DCC: variants seen among roughly 807,000 people sequenced by gnomAD.
DCC encodes DCC netrin 1 receptor, also known as netrin receptor DCC.
In DCC, 58 loss-of-function variants were observed where a neutral mutation model predicts 172.5. The observed-to-expected ratio is 0.34, with a 90% CI of 0.27 to 0.42. The LOEUF is 0.42. DCC is among the 10% of genes least tolerant of loss of function. The pLI, the probability that DCC is intolerant of heterozygous loss-of-function variation, is 1.00. For missense variants in DCC, 1,740 were observed against 1,791.0 expected (o/e 0.97, Z 0.51); for synonymous variants, 709 against 644.5 (o/e 1.10, Z -1.52).
chr18:52,773,842 ATT>A (rs1228136961), intron 2 of DCC, among the ~76,000 whole-genome samples: 4 of 151,464 alleles, frequency 2.6e-5, no homozygotes, highest in Non-Finnish European at 1.5e-5. Context: ...ATATATATAT[ATT>A]TTTTAAAGGT....
chr18:52,758,613 A>G (rs1372777335), intron 2 of DCC, among the ~76,000 whole-genome samples: 3 of 152,112 alleles, frequency 2.0e-5, no homozygotes, highest in Non-Finnish European at 4.4e-5. Flanking sequence ...GAGAGAAGCT[A>G]GAATGAAGCA....
intron 5 of DCC, among the ~76,000 whole-genome samples, chr18:52,962,769 G>A (rs1371451171): frequency 1.3e-5 from 2 of 151,960 alleles, no homozygotes; most frequent in African/African-American, 4.8e-5. Flanking sequence ...GGAATACTAT[G>A]CAGCCATAAA....
At chr18:52,802,044 C>T (rs2037999824) in intron 2 of DCC, among the ~76,000 whole-genome samples, 1 of 150,906 alleles carries the variant, frequency 6.6e-6, no homozygotes, top group South Asian at 2.1e-4. Flanking sequence ...TTTTTATCAA[C>T]ATCCCTCTGA....
intron 1 of DCC, among the ~76,000 whole-genome samples, chr18:52,400,165 C>T (rs1468707093): frequency 2.0e-5 from 3 of 151,902 alleles, no homozygotes; most frequent in African/African-American, 4.8e-5. Flanking sequence ...TTTGTTCTGG[C>T]ACTTTTCAAG....
intron 1 of DCC, among the ~76,000 whole-genome samples, chr18:52,702,743 A>G (rs775481497): frequency 7.2e-5 from 11 of 152,108 alleles, no homozygotes; most frequent in Non-Finnish European, 1.6e-4. Flanking sequence ...GCAAATTGTC[A>G]TCCTTCATTC....
At chr18:53,472,408 C>G (rs1338962303) in intron 25 of DCC, among the ~76,000 whole-genome samples, 2 of 152,160 alleles carry the variant, frequency 1.3e-5, no homozygotes, top group Non-Finnish European at 2.9e-5. Flanking sequence ...ATACCTTTCA[C>G]TACTGAGAAA....
chr18:52,738,558 G>A (rs1316418304), intron 1 of DCC, among the ~76,000 whole-genome samples: 1 of 152,126 alleles, frequency 6.6e-6, no homozygotes, highest in African/African-American at 2.4e-5. Flanking sequence ...GTGAGTCAAT[G>A]AGTGAGTGGT....
intron 2 of DCC, among the ~76,000 whole-genome samples, chr18:52,839,740 CT>C (rs1480346111): frequency 2.0e-5 from 3 of 152,134 alleles, no homozygotes; most frequent in African/African-American, 7.2e-5. Flanking sequence ...TCTGCAGTGC[CT>C]TTTCACCTTC....
chr18:53,003,183 C>T (rs971803365), intron 5 of DCC, among the ~76,000 whole-genome samples: 1 of 151,874 alleles, frequency 6.6e-6, no homozygotes, highest in Non-Finnish European at 1.5e-5. Flanking sequence ...CTTCCATTTC[C>T]TCAGCAACTT....
chr18:53,466,012 C>G (rs985763507), intron 24 of DCC, among the ~76,000 whole-genome samples: 14 of 152,214 alleles, frequency 9.2e-5, no homozygotes, highest in Admixed American at 5.2e-4. Context: ...GATCCGCCCA[C>G]CTCAGCCTCC....
intron 1 of DCC, among the ~76,000 whole-genome samples, chr18:52,356,876 G>C (rs1380911490): frequency 6.6e-6 from 1 of 152,004 alleles, no homozygotes; most frequent in Non-Finnish European, 1.5e-5. Context: ...TCCACCTCCT[G>C]GGTTCAAGCA....
intron 5 of DCC, among the ~76,000 whole-genome samples, chr18:52,925,793 T>G (rs3819136): frequency 0.39 from 59,877 of 151,674 alleles, 12,401 homozygotes; most frequent in Non-Finnish European, 0.47. Context: ...TGGTAAGATT[T>G]TTTTATTAAC....
chr18:53,415,576 C>G (rs956717492), intron 20 of DCC, among the ~76,000 whole-genome samples: 1 of 151,964 alleles, frequency 6.6e-6, no homozygotes, highest in Non-Finnish European at 1.5e-5. Context: ...ATTTTTGAGA[C>G]TATTACTTGT....
intron 27 of DCC, among the ~76,000 whole-genome samples, chr18:53,520,110 A>ACTGCTGGG (rs1351606606): frequency 1.3e-5 from 2 of 152,096 alleles, no homozygotes; most frequent in Non-Finnish European, 2.9e-5. Flanking sequence ...GTGTAGAAAA[A>ACTGCTGGG]AACCAGTTAG....
chr18:53,041,696 G>A (rs1160807230), intron 5 of DCC, among the ~76,000 whole-genome samples: 4 of 152,068 alleles, frequency 2.6e-5, no homozygotes, highest in Non-Finnish European at 5.9e-5. Context: ...TCCTTCAGCA[G>A]TGGTTGGTAG....
chr18:53,351,366 ACTG>A (rs1331822886), intron 15 of DCC, among the ~76,000 whole-genome samples: 2 of 64,450 alleles, frequency 3.1e-5, no homozygotes, highest in African/African-American at 5.8e-5. Flanking sequence ...ATATATATAT[ACTG>A]TATATATATA....
intron 12 of DCC, 26 bp downstream of exon 12, chr18:53,215,623 C>T (rs1353597134): frequency 3.8e-6 from 6 of 1,581,806 alleles, no homozygotes; most frequent in Non-Finnish European, 5.2e-6. Context: ...GTTCACTACT[C>T]CATTACCTAT....
chr18:52,777,390 A>G (rs990585890), intron 2 of DCC, among the ~76,000 whole-genome samples: 3 of 152,036 alleles, frequency 2.0e-5, no homozygotes, highest in Non-Finnish European at 4.4e-5. Context: ...CTTCACTCCA[A>G]TCTCAGTCTC....
chr18:53,304,375 C>A (rs919619438), intron 12 of DCC, among the ~76,000 whole-genome samples: 1 of 151,438 alleles, frequency 6.6e-6, no homozygotes, highest in African/African-American at 2.4e-5. Context: ...TTTTTTTTCT[C>A]TAGGGCAAAG....
Sources: gnomAD v4.1 joint callset for allele counts (sites outside exome capture counted in the v4.1 genomes callset) on GRCh38, gnomAD v4.1.1 for gene constraint, MANE v1.5 for transcripts, NCBI Gene and HGNC (gene_info 2026-07-23, HGNC 2026-07-21) for gene names.